PIEZO2: variants seen among roughly 807,000 people sequenced by gnomAD.
The protein encoded by PIEZO2 is piezo-type mechanosensitive ion channel component 2.
Under a neutral mutation model 337.3 loss-of-function variants are expected in PIEZO2, and 172 were observed. The observed-to-expected ratio is 0.51, with a 90% CI of 0.45 to 0.58. PIEZO2 has a LOEUF of 0.58. PIEZO2 is among the 20% of genes least tolerant of loss of function. The pLI is 0.00. For synonymous variants in PIEZO2, 1,251 were observed against 1,228.5 expected, an observed-to-expected ratio of 1.02 and a Z score of -0.38; for missense variants, 3,028 against 3,391.3, an observed-to-expected ratio of 0.89 and a Z score of 2.66.
rs144080345 is a variant in PIEZO2, at chr18:10,818,283, G to A, written c.918-11009C>T. 3.1e-4 allele frequency among the ~76,000 whole-genome samples: 47 copies of A among 152,242 alleles called. No homozygotes were observed. In the East Asian group the frequency reaches 8.7e-3, roughly 28 times the overall value. Reference sequence around the variant, plus strand: ...CCTTCAATGATGTTGAATTCAGCACGGCTTTAAAAGGAATTGAGGGGAAGG... The same window carrying A: ...CCTTCAATGATGTTGAATTCAGCACAGCTTTAAAAGGAATTGAGGGGAAGG... On this transcript the variant is annotated intron_variant, in intron 7 of 55. Coordinates refer to ENST00000674853, the MANE Select transcript of PIEZO2 (RefSeq NM_001378183.1).
intron 1 of PIEZO2, among the ~76,000 whole-genome samples, chr18:11,106,492 T>C (rs2039571684): frequency 6.7e-6 from 1 of 148,346 alleles, no homozygotes. Context: ...ATTGTAACCG[T>C]GAACTCCTGG....
At chr18:10,779,783 T>C (rs967523508) in intron 18 of PIEZO2, among the ~76,000 whole-genome samples, 2 of 152,114 alleles carry the variant, frequency 1.3e-5, no homozygotes, top group Non-Finnish European at 2.9e-5. Context: ...TGGTGAATCA[T>C]AGAGGGAGTC....
intron 39 of PIEZO2, among the ~76,000 whole-genome samples, chr18:10,712,995 A>G (rs1039491658): frequency 3.3e-5 from 5 of 152,188 alleles, no homozygotes; most frequent in Non-Finnish European, 7.3e-5. Flanking sequence ...AGAAAAATAT[A>G]GTCTCTTTTA....
At chr18:10,881,651 T>C (rs749549838) in intron 4 of PIEZO2, among the ~76,000 whole-genome samples, 1 of 152,172 alleles carries the variant, frequency 6.6e-6, no homozygotes, top group African/African-American at 2.4e-5. Context: ...CAAATCAGTA[T>C]TTTTTTCCCT....
chr18:10,810,933 A>AG (rs1384331665), intron 7 of PIEZO2, among the ~76,000 whole-genome samples: 1 of 152,194 alleles, frequency 6.6e-6, no homozygotes, highest in East Asian at 1.9e-4. Flanking sequence ...AAAATATTAC[A>AG]GGGGTCACAC....
chr18:10,895,208 G>A lies in PIEZO2; in HGVS notation c.329+15978C>T, dbSNP rs2042862524. Among the ~76,000 whole-genome samples the A allele has an allele frequency of 6.6e-6, 1 of 152,194 alleles. No homozygotes were observed. Among genetic ancestry groups the A allele is most frequent in the Non-Finnish European group, 1.5e-5 (1 of 68,032 alleles). On this transcript the variant is annotated intron_variant, in intron 4 of 55. Coordinates refer to ENST00000674853, the MANE Select transcript of PIEZO2 (RefSeq NM_001378183.1). The surrounding 1 kb of genome is among the most constrained non-coding windows in gnomAD (Gnocchi z 4.8). ...TGCCTGTAATCCCAGCATTTTGGGA[G>A]GCCAAGGTGGGTGGATCACTTGAGG...
At chr18:10,931,414 T>C (rs999893936) in intron 3 of PIEZO2, among the ~76,000 whole-genome samples, 1 of 152,084 alleles carries the variant, frequency 6.6e-6, no homozygotes, top group East Asian at 1.9e-4. Context: ...TTAGCCAGGG[T>C]GGTCTCGATC....
intron 13 of PIEZO2, among the ~76,000 whole-genome samples, chr18:10,793,012 T>C (rs2039456815): frequency 6.6e-6 from 1 of 152,172 alleles, no homozygotes; most frequent in Non-Finnish European, 1.5e-5. Flanking sequence ...TCCCAGCACT[T>C]TGGGAGGCCG....
At chr18:10,968,136 G>A (rs2034090220) in intron 3 of PIEZO2, among the ~76,000 whole-genome samples, 1 of 152,132 alleles carries the variant, frequency 6.6e-6, no homozygotes, top group African/African-American at 2.4e-5. Flanking sequence ...TAAGGTAAGA[G>A]ATGAGAATCC....
Position 10,704,734 on chromosome 18 carries a change from G to C in PIEZO2, c.6000-82C>G, listed in dbSNP as rs1345038971. 2.8e-6 allele frequency: 4 copies of C among 1,452,398 alleles called. No homozygotes were observed. The Admixed American group carries it at 8.4e-5, about 30-fold the overall frequency. The allele number at this position is 1,452,398 out of a possible 1,614,324, so 90.0% of individuals were successfully genotyped here. On this transcript the variant is annotated intron_variant, in intron 41 of 55. Transcript: ENST00000674853. The stretch of plus-strand genomic sequence containing the variant: ...AGTTTTGCTCTTGTTGCCCAGGCTG[G>C]AGTGCAATGGCGTGATCTTGGCTCA...
At chr18:10,919,141 A>C (rs1019465821) in intron 3 of PIEZO2, among the ~76,000 whole-genome samples, 1 of 152,110 alleles carries the variant, frequency 6.6e-6, no homozygotes, top group Admixed American at 6.5e-5. Context: ...TTAGTAATAA[A>C]ATAAATTTTC....
At chr18:10,934,824 C>G (rs971681686) in intron 3 of PIEZO2, among the ~76,000 whole-genome samples, 4 of 152,152 alleles carry the variant, frequency 2.6e-5, no homozygotes, top group African/African-American at 4.8e-5. Context: ...TGTAACTTAC[C>G]ATGCGGCAGA....
At chr18:11,000,232 G>T (rs2035480888) in intron 2 of PIEZO2, among the ~76,000 whole-genome samples, 1 of 152,090 alleles carries the variant, frequency 6.6e-6, no homozygotes, top group Admixed American at 6.6e-5. Context: ...CCTTCAAGTG[G>T]GATATGGAAT....
intron 7 of PIEZO2, among the ~76,000 whole-genome samples, chr18:10,816,884 C>T (rs2040380014): frequency 6.6e-6 from 1 of 152,112 alleles, no homozygotes; most frequent in Non-Finnish European, 1.5e-5. Context: ...TATCTTTTCT[C>T]ACTGCAGTTT....
chr18:10,692,820 T>C (rs747068587), intron 47 of PIEZO2, among the ~76,000 whole-genome samples: 57 of 152,200 alleles, frequency 3.7e-4, no homozygotes, highest in African/African-American at 1.3e-3. Context: ...ATACTGTTCT[T>C]TTTCAAAGTT....
At chr18:10,825,214 A>G (rs566842860) in intron 7 of PIEZO2, among the ~76,000 whole-genome samples, 1 of 152,132 alleles carries the variant, frequency 6.6e-6, no homozygotes, top group Non-Finnish European at 1.5e-5. Context: ...GCTGCATTAC[A>G]TTTAATCATC....
rs2039516304 is a variant in PIEZO2 at position 10,794,713 on chromosome 18, TATG to T, written c.1758+56_1758+58del. 8.0e-6 allele frequency: 10 copies of T among 1,251,772 alleles called. No individual in the cohort carries two copies. In the South Asian group the frequency reaches 1.2e-4, roughly 15 times the overall value. 77.5% of individuals were successfully genotyped at this position (1,251,772 alleles called of 1,614,324 possible). A position where few individuals can be genotyped will look rare whatever the true frequency, so the allele number is the denominator to read the frequency against. On this transcript the variant is annotated intron_variant, in intron 13 of 55. Transcript: ENST00000674853. This position sits in a 1 kb window ranked among gnomAD's most constrained non-coding sequence, Gnocchi z 6.6. ...TTATAAGGTTTCTCTTGGATACGAT[TATG>T]ATGATGATTGTGGTTTTGTGTCATT...
rs2038764819 is a variant in PIEZO2 at position 10,775,832 on chromosome 18, C to T, written c.2535-1794G>A. Among the ~76,000 whole-genome samples the T allele has an allele frequency of 6.6e-6, 1 of 152,108 alleles. No individual in the cohort carries two copies. ...AAGGGCATCTCTGCATCCAACACTG[C>T]TCATTCCCTCTGACCTTAGAGCCAC... On this transcript the variant is annotated intron_variant, in intron 18 of 55. Coordinates refer to ENST00000674853, the MANE Select transcript of PIEZO2 (RefSeq NM_001378183.1). The surrounding 1 kb of genome is among the most constrained non-coding windows in gnomAD (Gnocchi z 4.3).
chr18:11,030,026 T>C (rs916428751), intron 2 of PIEZO2, among the ~76,000 whole-genome samples: 3 of 152,240 alleles, frequency 2.0e-5, no homozygotes, highest in African/African-American at 7.2e-5. Context: ...TTACTCCCTT[T>C]AAGTAATATA....
Sources: gnomAD v4.1 joint callset for allele counts (sites outside exome capture counted in the v4.1 genomes callset) on GRCh38, gnomAD v4.1.1 for gene constraint, Gnocchi (gnomAD v3.1) non-coding constraint, MANE v1.5 for transcripts, NCBI Gene and HGNC (gene_info 2026-07-23, HGNC 2026-07-21) for gene names.